UNC93A: variants seen among roughly 807,000 people sequenced by gnomAD.
The protein encoded by UNC93A is N-acetylglucosamine transporter UNC93A.
Under a neutral mutation model 47.5 loss-of-function variants are expected in UNC93A, and 43 were observed. That is an observed-to-expected ratio of 0.91 (90% confidence interval 0.71 to 1.17). The LOEUF is 1.17. Among genes scored for constraint, UNC93A ranks in the 50% most tolerant of loss-of-function variants. UNC93A has a pLI of 0.00. For synonymous variants in UNC93A, 280 were observed against 258.0 expected, an observed-to-expected ratio of 1.09 and a Z score of -0.82; for missense variants, 605 against 577.6, an observed-to-expected ratio of 1.05 and a Z score of -0.49.
intron 7 of UNC93A, among the ~76,000 whole-genome samples, chr6:167,313,290 T>A (rs1778606891): frequency 6.6e-6 from 1 of 152,176 alleles, no homozygotes; most frequent in African/African-American, 2.4e-5. Flanking sequence ...GAAGACAGTC[T>A]AGCTCTTTCT....
chr6:167,304,279 T>G, intron 5 of UNC93A, 146 bp downstream of exon 5: 2 of 809,768 alleles, frequency 2.5e-6, no homozygotes, highest in South Asian at 1.6e-5. Flanking sequence ...CTCCCAGTGC[T>G]ACCATAGCTG....
chr6:167,289,467 C>T (rs980714315), upstream of UNC93A, among the ~76,000 whole-genome samples: 28 of 152,062 alleles, frequency 1.8e-4, no homozygotes, highest in African/African-American at 6.0e-4. Context: ...AAAAAGCAGA[C>T]GTAACTGAAG....
upstream of UNC93A, among the ~76,000 whole-genome samples, chr6:167,269,646 G>A (rs766439965): frequency 2.4e-4 from 37 of 151,868 alleles, no homozygotes; most frequent in Non-Finnish European, 3.1e-4. Flanking sequence ...TTGCTCTGTC[G>A]CCCAGGCTAG....
upstream of UNC93A, among the ~76,000 whole-genome samples, chr6:167,286,528 A>G (rs773206022): frequency 5.3e-5 from 8 of 151,926 alleles, no homozygotes; most frequent in South Asian, 2.1e-4. Context: ...CCAGGATGGC[A>G]TTATCTCGCT....
At chr6:167,295,829 C>G (rs1015937432) in intron 2 of UNC93A, among the ~76,000 whole-genome samples, 4 of 152,220 alleles carry the variant, frequency 2.6e-5, no homozygotes, top group African/African-American at 9.7e-5. Flanking sequence ...GCAAATCAGT[C>G]CAAGCTAGGA....
chr6:167,289,169 C>G (rs1422263328), upstream of UNC93A, among the ~76,000 whole-genome samples: 6 of 152,294 alleles, frequency 3.9e-5, no homozygotes, highest in African/African-American at 1.2e-4. Flanking sequence ...AGGTTGCACT[C>G]TCTTCCCTCA....
At chr6:167,302,693 T>C (rs1406866017) in intron 4 of UNC93A, among the ~76,000 whole-genome samples, 1 of 152,190 alleles carries the variant, frequency 6.6e-6, no homozygotes, top group East Asian at 1.9e-4. Context: ...AAGTACAGGA[T>C]GTTTCCTCAT....
intron 6 of UNC93A, among the ~76,000 whole-genome samples, chr6:167,307,469 CGGTTGAGATGGTTCCAGAGGAT>C (rs1778431859): frequency 4.6e-5 from 1 of 21,718 alleles, no homozygotes; most frequent in Non-Finnish European, 6.9e-5. Flanking sequence ...TTCCAGAGGA[CGGTTGAGATGGTTCCAGAGGAT>C]GGTTGAGATG....
At chr6:167,282,048 A>G (rs1408070978) in intron 1 of UNC93A, among the ~76,000 whole-genome samples, 1 of 152,210 alleles carries the variant, frequency 6.6e-6, no homozygotes, top group Admixed American at 6.5e-5. Context: ...GATAAAAAAC[A>G]AACAGACCAG....
At chr6:167,314,759 C>T (rs1778647205) in intron 7 of UNC93A, among the ~76,000 whole-genome samples, 1 of 152,216 alleles carries the variant, frequency 6.6e-6, no homozygotes, top group South Asian at 2.1e-4. Context: ...CGGAAGCCCC[C>T]TCCCTGCTTC....
intron 1 of UNC93A, among the ~76,000 whole-genome samples, chr6:167,284,301 C>T (rs2115091206): frequency 6.6e-6 from 1 of 151,918 alleles, no homozygotes; most frequent in Non-Finnish European, 1.5e-5. Flanking sequence ...ACAATGATAA[C>T]AGTTGCGTGA....
chr6:167,312,084 T>C (rs562951692), intron 7 of UNC93A, among the ~76,000 whole-genome samples: 1 of 152,098 alleles, frequency 6.6e-6, no homozygotes, highest in African/African-American at 2.4e-5. Context: ...TTCCTTGTTT[T>C]TCATGACCTG....
Position 167,304,058 on chromosome 6 carries a change from AC to A in UNC93A, c.766del (p.Arg256ValfsTer5). 1 of 1,614,032 alleles carries A rather than the reference AC, an allele frequency of 6.2e-7. No individual in the cohort carries two copies. The highest frequency in any genetic ancestry group is 8.5e-7 in the Non-Finnish European group (1 of 1,180,006). ...LSTFKLYRDK[R>X]LCLLILLPLY... ...CGACTTTCAAGCTATATAGAGATAA[AC>A]GTCTGTGCCTCTTAATTCTGCTGCC... On this transcript the variant is annotated frameshift_variant, in exon 5 of 8. Transcript: ENST00000230256. LOFTEE classifies it high-confidence loss of function.
At chr6:167,291,798 C>T (rs1238668634) in intron 1 of UNC93A, among the ~76,000 whole-genome samples, 2 of 152,200 alleles carry the variant, frequency 1.3e-5, no homozygotes, top group Admixed American at 1.3e-4. Flanking sequence ...GCGAGGTGCA[C>T]GTTGCTCTTG....
chr6:167,292,313 A>G (rs1783859061), intron 1 of UNC93A, among the ~76,000 whole-genome samples: 1 of 152,184 alleles, frequency 6.6e-6, no homozygotes, highest in South Asian at 2.1e-4. Context: ...GTGGTCACAT[A>G]AAACATTTCA....
chr6:167,307,612 G>A (rs1215143501), intron 6 of UNC93A, among the ~76,000 whole-genome samples, 167 bp from the exon 7 acceptor site: 4 of 151,024 alleles, frequency 2.6e-5, no homozygotes, highest in African/African-American at 9.8e-5. Context: ...TGGTTCCAGA[G>A]GACAATTCCA....
At chr6:167,288,317 C>T (rs980324753), upstream of UNC93A, among the ~76,000 whole-genome samples, 4 of 152,202 alleles carry the variant, frequency 2.6e-5, no homozygotes, top group African/African-American at 4.8e-5. Context: ...CCGCTCAGCT[C>T]AGGAGGTGGC....
chr6:167,280,516 T>C (rs1346284809), intron 1 of UNC93A, among the ~76,000 whole-genome samples: 1 of 152,204 alleles, frequency 6.6e-6, no homozygotes, highest in African/African-American at 2.4e-5. Context: ...GGAGGCCCTG[T>C]GCATTTTTTG....
Position 167,296,228 on chromosome 6 carries a change from T to C in UNC93A, c.466T>C (p.Ser156Pro). The change falls in exon 3 of 8, where the codon TCA (serine) becomes CCA (proline). Residue 156 changes from serine to proline, a missense_variant. Transcript: ENST00000230256. ...QSSGVWGNLI[S>P]SLVFGQTPSQ... The stretch of plus-strand genomic sequence containing the variant: ...ATCCGGTGTGTGGGGCAACTTGATC[T>C]CATCGCTGGTATTTGGCCAGACTCC... The C allele has an allele frequency of 1.2e-6, 2 of 1,614,210 alleles. No individual in the cohort carries two copies. The highest frequency in any genetic ancestry group is 1.7e-6 in the Non-Finnish European group (2 of 1,180,040).
Sources: gnomAD v4.1 joint callset for allele counts (sites outside exome capture counted in the v4.1 genomes callset) on GRCh38, gnomAD v4.1.1 for gene constraint, MANE v1.5 for transcripts, NCBI Gene and HGNC (gene_info 2026-07-23, HGNC 2026-07-21) for gene names.